IFT43: variants seen among roughly 807,000 people sequenced by gnomAD.
The protein encoded by IFT43 is intraflagellar transport protein 43 homolog.
In IFT43, 33 loss-of-function variants were observed where a neutral mutation model predicts 32.3. The observed-to-expected ratio is 1.02, with a 90% CI of 0.77 to 1.37. IFT43 has a LOEUF of 1.37. Ranked by LOEUF, IFT43 falls within the 40% of genes most tolerant of loss-of-function variation. IFT43 has a pLI of 0.00. For synonymous variants in IFT43, 93 were observed against 98.2 expected (o/e 0.95, Z 0.31); for missense variants, 274 against 265.9 (o/e 1.03, Z -0.21).
intron 2 of IFT43, among the ~76,000 whole-genome samples, chr14:76,021,199 G>C: frequency 6.6e-6 from 1 of 152,054 alleles, no homozygotes; most frequent in Non-Finnish European, 1.5e-5. Context: ...GCTAGTGGTG[G>C]TGGGGGTTGG....
intron 2 of IFT43, among the ~76,000 whole-genome samples, chr14:76,012,148 G>T (rs562160544): frequency 6.6e-6 from 1 of 152,288 alleles, no homozygotes; most frequent in African/African-American, 2.4e-5. Context: ...CTGGCTTTTT[G>T]AAACAGGTTG....
intron 5 of IFT43, among the ~76,000 whole-genome samples, chr14:76,075,579 GTC>G (rs1350598260): frequency 6.6e-6 from 1 of 152,246 alleles, no homozygotes; most frequent in East Asian, 1.9e-4. Context: ...AGCGTTTGAT[GTC>G]TCTCTGACAA....
intron 2 of IFT43, among the ~76,000 whole-genome samples, chr14:76,014,675 C>T (rs919707679): frequency 1.2e-4 from 18 of 152,196 alleles, no homozygotes; most frequent in Non-Finnish European, 2.5e-4. Flanking sequence ...TCCTTCTCCT[C>T]AGCACTTCCT....
At chr14:75,996,985 G>T (rs887529799) in intron 2 of IFT43, among the ~76,000 whole-genome samples, 5 of 152,218 alleles carry the variant, frequency 3.3e-5, no homozygotes, top group Non-Finnish European at 7.3e-5. Flanking sequence ...AGAAGTGTCA[G>T]GTAGAGGTGA....
chr14:75,991,606 TTGGCTCCCATGTGAGAATCATTGC>T (rs1380271391), intron 2 of IFT43, among the ~76,000 whole-genome samples: 1 of 152,102 alleles, frequency 6.6e-6, no homozygotes, highest in Non-Finnish European at 1.5e-5. Context: ...TCCACTTCCC[TTGGCTCCCATGTGAGAATCATTGC>T]TGTGAGAATA....
chr14:76,072,217 C>T (rs149004172), intron 5 of IFT43, among the ~76,000 whole-genome samples: 99 of 152,204 alleles, frequency 6.5e-4, no homozygotes, highest in Non-Finnish European at 1.3e-3. Flanking sequence ...CAAGAGTGCC[C>T]GTGCTAAATC....
rs759869016 is a variant in IFT43, at chr14:75,985,810, C to A, written c.24C>A (p.Asp8Glu). The A allele has an allele frequency of 9.9e-6, 16 of 1,614,028 alleles. No individual in the cohort carries two copies. In the African/African-American group the frequency reaches 2.0e-4, roughly 20 times the overall value. MEDLLDL[D>E]EELRYSLATS... ...AGATGGAGGATTTGCTCGACTTGGA[C>A]GAGGAGCTTCGCTACAGCTTGGCTA... Residue 8 changes from aspartate to glutamate, a missense_variant, in exon 1 of 9, where the codon GAC becomes GAA. Physicochemically the swap from Asp to Glu is conservative, Grantham distance 45. Transcript: ENST00000314067.
intron 1 of IFT43, 112 bp downstream of exon 1, chr14:75,985,952 C>G: frequency 6.5e-7 from 1 of 1,540,068 alleles, no homozygotes; most frequent in East Asian, 2.4e-5. Flanking sequence ...TCGCGCCGCG[C>G]CGGGTGAGGC....
intron 5 of IFT43, among the ~76,000 whole-genome samples, chr14:76,066,270 T>C (rs2037223113): frequency 6.6e-6 from 1 of 152,268 alleles, no homozygotes; most frequent in Non-Finnish European, 1.5e-5. Flanking sequence ...ATTTGCAATT[T>C]GGCCTTTATT....
intron 2 of IFT43, among the ~76,000 whole-genome samples, chr14:76,018,832 A>G (rs1456206080): frequency 6.6e-6 from 1 of 151,980 alleles, no homozygotes; most frequent in Non-Finnish European, 1.5e-5. Context: ...TCATGTAAGT[A>G]TAGCTTCTCC....
chr14:76,076,571 A>G (rs1048344349), intron 5 of IFT43: 1 of 1,613,664 alleles, frequency 6.2e-7, no homozygotes, highest in African/African-American at 1.3e-5. Flanking sequence ...GCTGAGTCCA[A>G]TCTAAGAAGT....
At chr14:76,083,413 G>C (rs199733687) in intron 8 of IFT43, 45 bp from the exon 9 acceptor site, 3 of 1,614,038 alleles carry the variant, frequency 1.9e-6, no homozygotes, top group Middle Eastern at 1.7e-4. Context: ...ACAGTTGAGG[G>C]AAAAGGCCTT....
At chr14:75,998,092 C>T (rs2035781751) in intron 2 of IFT43, among the ~76,000 whole-genome samples, 1 of 152,190 alleles carries the variant, frequency 6.6e-6, no homozygotes, top group African/African-American at 2.4e-5. Context: ...TATATGCACT[C>T]GTTTCTTTTT....
intron 3 of IFT43, among the ~76,000 whole-genome samples, chr14:76,027,648 G>A (rs2036428210): frequency 6.7e-6 from 1 of 150,162 alleles, no homozygotes; most frequent in African/African-American, 2.5e-5. Flanking sequence ...AGTGGAGCTT[G>A]CAGTGAGCCG....
intron 3 of IFT43, among the ~76,000 whole-genome samples, chr14:76,042,852 A>T (rs938153271): frequency 6.6e-6 from 1 of 152,238 alleles, no homozygotes; most frequent in Non-Finnish European, 1.5e-5. Context: ...ATGGCAGACT[A>T]GGGCAGAGTA....
chr14:75,986,196 C>G lies in IFT43; in HGVS notation c.54+356C>G, dbSNP rs1049472175. On this transcript the variant is annotated intron_variant, in intron 1 of 8. Transcript: ENST00000314067. ...TAGGGGAGCCCCGGCCGGGGTCGCA[C>G]TCGCTCCCATCCTAGAGTTTTTCCT... 5 of 1,315,308 alleles carry G rather than the reference C, an allele frequency of 3.8e-6. No individual in the cohort carries two copies. In the African/African-American group the frequency reaches 6.0e-5, roughly 16 times the overall value. The allele number at this position is 1,315,308 out of a possible 1,614,324, so 81.5% of individuals were successfully genotyped here. A position where few individuals can be genotyped will look rare whatever the true frequency, so the allele number is the denominator to read the frequency against.
At chr14:75,999,954 C>T (rs568339318) in intron 2 of IFT43, among the ~76,000 whole-genome samples, 1 of 152,328 alleles carries the variant, frequency 6.6e-6, no homozygotes, top group African/African-American at 2.4e-5. Context: ...CTGGCAGCTA[C>T]ACTGGAGGAT....
intron 3 of IFT43, among the ~76,000 whole-genome samples, chr14:76,027,479 G>A (rs1341733268): frequency 6.6e-6 from 1 of 152,100 alleles, no homozygotes; most frequent in Non-Finnish European, 1.5e-5. Flanking sequence ...GGAGGCCGAG[G>A]CGGGTGGATC....
At chr14:76,007,073 G>A (rs1366065117) in intron 2 of IFT43, among the ~76,000 whole-genome samples, 6 of 152,034 alleles carry the variant, frequency 3.9e-5, no homozygotes, top group African/African-American at 9.7e-5. Context: ...TGCCCAGGCT[G>A]GTCTTGAACT....
Sources: gnomAD v4.1 joint callset for allele counts (sites outside exome capture counted in the v4.1 genomes callset) on GRCh38, gnomAD v4.1.1 for gene constraint, MANE v1.5 for transcripts, NCBI Gene and HGNC (gene_info 2026-07-23, HGNC 2026-07-21) for gene names.